The following KCNMA1 variants were observed in gnomAD, a reference collection of about 807,000 sequenced individuals.
KCNMA1 encodes potassium calcium-activated channel subfamily M alpha 1.
In KCNMA1, 29 loss-of-function variants were observed where a neutral mutation model predicts 140.0. That is an observed-to-expected ratio of 0.21 (90% CI 0.15 to 0.28). The LOEUF (loss-of-function observed/expected upper bound fraction) is 0.28. Among genes scored for constraint, KCNMA1 ranks in the 10% least tolerant of loss-of-function variants. The pLI is 1.00. For synonymous variants in KCNMA1, 612 were observed against 611.9 expected (o/e 1.00, Z 0.00); for missense variants, 880 against 1,602.2 (o/e 0.55, Z 7.70).
intron 27 of KCNMA1, 149 bp from the exon 28 acceptor site, chr10:76,887,664 CT>C (rs1333106042): frequency 1.2e-6 from 1 of 861,796 alleles, no homozygotes; most frequent in Non-Finnish European, 1.8e-6. Flanking sequence ...CTTAAACATT[CT>C]TTTTCTTGTT....
At chr10:77,450,929 CA>C (rs2097642052) in intron 1 of KCNMA1, among the ~76,000 whole-genome samples, 1 of 152,204 alleles carries the variant, frequency 6.6e-6, no homozygotes, top group Non-Finnish European at 1.5e-5. Flanking sequence ...GAATAGGTCT[CA>C]TGAGATCTGA....
chr10:77,380,402 G>A (rs975127213), intron 2 of KCNMA1, among the ~76,000 whole-genome samples: 1 of 152,060 alleles, frequency 6.6e-6, no homozygotes, highest in South Asian at 2.1e-4. Context: ...TCTTCATTCA[G>A]CCAGTGGTTC....
intron 1 of KCNMA1, among the ~76,000 whole-genome samples, chr10:77,610,307 C>A (rs1213381617): frequency 6.6e-6 from 1 of 152,242 alleles, no homozygotes; most frequent in Non-Finnish European, 1.5e-5. Flanking sequence ...CACACTGAAA[C>A]CCAACCCAGC....
At chr10:76,915,269 A>G (rs1436430706) in intron 23 of KCNMA1, among the ~76,000 whole-genome samples, 2 of 152,180 alleles carry the variant, frequency 1.3e-5, no homozygotes, top group Non-Finnish European at 2.9e-5. Flanking sequence ...AGTTCCCTAA[A>G]AAATCCAGAC....
chr10:77,249,969 G>A (rs2059382357), intron 3 of KCNMA1: 1 of 152,192 alleles, frequency 6.6e-6, no homozygotes, highest in Non-Finnish European at 1.5e-5. Flanking sequence ...ACCTCTGATA[G>A]GCTTAAACTT....
chr10:76,890,951 A>T (rs534066328), intron 26 of KCNMA1, among the ~76,000 whole-genome samples: 1 of 152,334 alleles, frequency 6.6e-6, no homozygotes, highest in East Asian at 1.9e-4. Context: ...TTCTGGATAC[A>T]TCTGACTACT....
At chr10:77,229,538 T>C (rs1193018481) in intron 3 of KCNMA1, among the ~76,000 whole-genome samples, 1 of 152,172 alleles carries the variant, frequency 6.6e-6, no homozygotes, top group Non-Finnish European at 1.5e-5. Context: ...CAGTATATTA[T>C]TGCTGTTGTA....
intron 1 of KCNMA1, among the ~76,000 whole-genome samples, chr10:77,405,665 G>A (rs2096448367): frequency 6.6e-6 from 1 of 152,208 alleles, no homozygotes; most frequent in African/African-American, 2.4e-5. Flanking sequence ...TATGACTGCA[G>A]ATGAAGATGT....
intron 15 of KCNMA1, among the ~76,000 whole-genome samples, chr10:77,029,116 G>T (rs567476630): frequency 3.3e-5 from 5 of 152,196 alleles, no homozygotes; most frequent in Admixed American, 2.6e-4. Flanking sequence ...TATGTAAATG[G>T]CACAATACAG....
intron 3 of KCNMA1, among the ~76,000 whole-genome samples, chr10:77,242,515 A>G (rs942776738): frequency 6.6e-6 from 1 of 152,110 alleles, no homozygotes; most frequent in African/African-American, 2.4e-5. Flanking sequence ...TCAACTCCTC[A>G]ACCTTCAGCA....
At chr10:77,215,985 T>C (rs2047665566) in intron 3 of KCNMA1, among the ~76,000 whole-genome samples, 1 of 151,682 alleles carries the variant, frequency 6.6e-6, no homozygotes, top group Admixed American at 6.6e-5. Context: ...AAGAGAGCCC[T>C]CACCAGAAAT....
chr10:76,890,751 G>T (rs1175472771), intron 26 of KCNMA1, among the ~76,000 whole-genome samples: 3 of 152,168 alleles, frequency 2.0e-5, no homozygotes, highest in African/African-American at 7.2e-5. Context: ...TAAGGGCAAA[G>T]ACAGCACACT....
chr10:77,509,509 C>A (rs1276414879), intron 1 of KCNMA1, among the ~76,000 whole-genome samples: 1 of 152,152 alleles, frequency 6.6e-6, no homozygotes. Flanking sequence ...TGGTTATATA[C>A]CCCAAAGTGG....
At chr10:76,918,799 T>C (rs1202560640) in intron 23 of KCNMA1, among the ~76,000 whole-genome samples, 1 of 152,108 alleles carries the variant, frequency 6.6e-6, no homozygotes, top group Admixed American at 6.6e-5. Flanking sequence ...CGAATGTTTA[T>C]AGCAGCACAA....
intron 1 of KCNMA1, among the ~76,000 whole-genome samples, chr10:77,536,056 A>G (rs1210341865): frequency 6.6e-6 from 1 of 152,244 alleles, no homozygotes; most frequent in Non-Finnish European, 1.5e-5. Flanking sequence ...TGCTCCCAAT[A>G]CAAAGAAATG....
At chr10:77,311,591 A>T (rs1385698903) in intron 2 of KCNMA1, among the ~76,000 whole-genome samples, 3 of 152,236 alleles carry the variant, frequency 2.0e-5, no homozygotes, top group African/African-American at 7.2e-5. Context: ...ATCATTTAAA[A>T]AAATAAATAA....
In KCNMA1 at chr10:76,941,069, A is replaced by AAGAG. The variant is rs1554961013; in HGVS notation, c.2902+3703_2902+3704insCTCT. On this transcript the variant is annotated intron_variant, in intron 23 of 27. Transcript: ENST00000286628. ...AGAAAGAAAGAGAAAGAAAGAAAGAAAAAGAAAGAAAGAAAGAGAAAGAAA... is the reference window on the plus strand; with the variant it reads ...AGAAAGAAAGAGAAAGAAAGAAAGAAAGAGAAAGAAAGAAAGAAAGAGAAAGAAA... Among the ~76,000 whole-genome samples, 463 of 68,700 alleles carry AAGAG rather than the reference A, an allele frequency of 6.7e-3. 3 individuals carry two copies. Among genetic ancestry groups the AAGAG allele is most frequent in the African/African-American group, 0.017 (314 of 18,762 alleles). The allele number at this position is 68,700 out of a possible 152,430, so 45.1% of individuals were successfully genotyped here.
At chr10:77,220,101 C>T (rs1468980896) in intron 3 of KCNMA1, among the ~76,000 whole-genome samples, 1 of 152,192 alleles carries the variant, frequency 6.6e-6, no homozygotes, top group Non-Finnish European at 1.5e-5. Flanking sequence ...TATCTGTTGA[C>T]TCAATTAATC....
chr10:77,016,890 C>T (rs2092146509), intron 17 of KCNMA1, among the ~76,000 whole-genome samples: 4 of 152,062 alleles, frequency 2.6e-5, no homozygotes, highest in Admixed American at 6.6e-5. Flanking sequence ...AAACTCGATA[C>T]GAGATCATCA....
Sources: allele counts gnomAD v4.1 joint callset (sites outside exome capture counted in the v4.1 genomes callset), GRCh38; gene constraint gnomAD v4.1.1; transcripts MANE v1.5; gene names NCBI Gene and HGNC (gene_info 2026-07-23, HGNC 2026-07-21).